The following ADGRB3 variants were observed in gnomAD, a reference collection of about 807,000 sequenced individuals.
ADGRB3 encodes adhesion G protein-coupled receptor B3.
ADGRB3 carries 37 observed loss-of-function variants against 193.4 expected under a neutral mutation model. That is an observed-to-expected ratio of 0.19 (90% CI 0.15 to 0.25). The LOEUF (loss-of-function observed/expected upper bound fraction) is 0.25. Among genes scored for constraint, ADGRB3 ranks in the 10% least tolerant of loss-of-function variants. ADGRB3 has a pLI of 1.00. For missense variants in ADGRB3, 1,637 were observed against 1,852.9 expected (o/e 0.88, Z 2.14); for synonymous variants, 690 against 644.2 (o/e 1.07, Z -1.08).
In ADGRB3 at chr6:69,228,804, G is replaced by A. The variant is rs1208849596; in HGVS notation, c.2481-4486G>A. ...TAAAACAGATTACAATAAAAGTTTA[G>A]CATTAAAATTCACCTGGAAATGAAA... On this transcript the variant is annotated intron_variant, in intron 17 of 31. Coordinates refer to ENST00000370598, the MANE Select transcript of ADGRB3 (RefSeq NM_001704.3). Among the ~76,000 whole-genome samples, 6 of 152,200 alleles carry A rather than the reference G, an allele frequency of 3.9e-5. No individual in the cohort carries two copies. In the East Asian group the frequency reaches 1.2e-3, roughly 29 times the overall value.
chr6:69,175,355 A>G (rs1471966455), intron 17 of ADGRB3, among the ~76,000 whole-genome samples: 3 of 152,218 alleles, frequency 2.0e-5, no homozygotes, highest in Non-Finnish European at 4.4e-5. Flanking sequence ...TCTTCTGCAT[A>G]TGGCTAACCA....
chr6:68,793,628 A>C (rs1287559211), intron 3 of ADGRB3, among the ~76,000 whole-genome samples: 2 of 152,148 alleles, frequency 1.3e-5, no homozygotes, highest in Non-Finnish European at 1.5e-5. Context: ...TCCTGGGTTT[A>C]AGTGATTCTC....
At chr6:69,297,410 C>CTA (rs753511956) in intron 20 of ADGRB3, among the ~76,000 whole-genome samples, 11,710 of 127,860 alleles carry the variant, frequency 0.092, 510 homozygotes, top group African/African-American at 0.16. Context: ...CTCTCTCTCT[C>CTA]TATATATATA....
At chr6:68,845,373 G>A (rs1282793475) in intron 3 of ADGRB3, among the ~76,000 whole-genome samples, 1 of 152,116 alleles carries the variant, frequency 6.6e-6, no homozygotes, top group Non-Finnish European at 1.5e-5. Flanking sequence ...CCAGAACCTG[G>A]AGAGAGGCAT....
intron 17 of ADGRB3, among the ~76,000 whole-genome samples, chr6:69,136,662 T>G (rs1160031042): frequency 2.0e-5 from 3 of 152,132 alleles, no homozygotes; most frequent in African/African-American, 4.8e-5. Flanking sequence ...AAATGGAGAA[T>G]TCACATTTTC....
intron 2 of ADGRB3, among the ~76,000 whole-genome samples, chr6:68,638,215 T>A (rs1767999076): frequency 6.6e-6 from 1 of 152,196 alleles, no homozygotes; most frequent in Non-Finnish European, 1.5e-5. Flanking sequence ...ATTATCAGAT[T>A]AGATTTTGTA....
intron 11 of ADGRB3, among the ~76,000 whole-genome samples, chr6:69,010,315 G>A (rs1250799651): frequency 1.3e-5 from 2 of 152,030 alleles, no homozygotes; most frequent in African/African-American, 4.8e-5. Flanking sequence ...TAGTGAATCA[G>A]TTCTGTTCTG....
chr6:69,068,066 G>A (rs1352602787), intron 16 of ADGRB3, among the ~76,000 whole-genome samples: 1 of 152,114 alleles, frequency 6.6e-6, no homozygotes, highest in East Asian at 1.9e-4. Context: ...GAACCGATAG[G>A]TGTGGCTGTA....
intron 3 of ADGRB3, among the ~76,000 whole-genome samples, chr6:68,740,362 AGCCTGG>A (rs1256520674): frequency 1.3e-5 from 2 of 152,242 alleles, no homozygotes; most frequent in Non-Finnish European, 2.9e-5. Flanking sequence ...GTTGGAGACC[AGCCTGG>A]GCAATATAGT....
chr6:68,800,682 G>T (rs984949606), intron 3 of ADGRB3, among the ~76,000 whole-genome samples: 4 of 152,146 alleles, frequency 2.6e-5, no homozygotes, highest in African/African-American at 4.8e-5. Flanking sequence ...GCTGCCTAAG[G>T]TCGTGTAGGC....
At chr6:69,258,140 G>A (rs192490144) in intron 20 of ADGRB3, among the ~76,000 whole-genome samples, 10 of 152,210 alleles carry the variant, frequency 6.6e-5, no homozygotes, top group East Asian at 1.9e-4. Flanking sequence ...AATGGTATTC[G>A]CAGAGAAGGA....
chr6:69,177,400 AGGCTAGAGTGCAGTGGCGCCGTCTC>A (rs1422847516), intron 17 of ADGRB3, among the ~76,000 whole-genome samples: 1 of 151,572 alleles, frequency 6.6e-6, no homozygotes, highest in Non-Finnish European at 1.5e-5. Flanking sequence ...TCTGCCACCT[AGGCTAGAGTGCAGTGGCGCCGTCTC>A]GGCTCACTGC....
chr6:69,372,631 G>A (rs567175679), intron 30 of ADGRB3, among the ~76,000 whole-genome samples, 190 bp downstream of exon 30: 17 of 152,038 alleles, frequency 1.1e-4, no homozygotes, highest in African/African-American at 4.1e-4. Context: ...ATTACTTCAA[G>A]TATTTGCTAA....
intron 3 of ADGRB3, among the ~76,000 whole-genome samples, chr6:68,735,819 G>A (rs554848155): frequency 6.6e-6 from 1 of 152,144 alleles, no homozygotes; most frequent in East Asian, 1.9e-4. Context: ...GTTTCTTTCT[G>A]TCTTAAAATA....
intron 17 of ADGRB3, among the ~76,000 whole-genome samples, chr6:69,133,498 C>T (rs527847070): frequency 6.6e-6 from 1 of 152,012 alleles, no homozygotes; most frequent in African/African-American, 2.4e-5. Flanking sequence ...CCAAAAAACA[C>T]CCATGACCAG....
chr6:69,182,865 G>A (rs1354833598), intron 17 of ADGRB3, among the ~76,000 whole-genome samples: 1 of 152,038 alleles, frequency 6.6e-6, no homozygotes, highest in Admixed American at 6.6e-5. Flanking sequence ...ACTGGGGAGA[G>A]ATATATGCAC....
chr6:68,824,349 T>C (rs185626454), intron 3 of ADGRB3, among the ~76,000 whole-genome samples: 132 of 151,706 alleles, frequency 8.7e-4, no homozygotes, highest in African/African-American at 3.0e-3. Context: ...ATAATGATTA[T>C]GTTTCACTTT....
chr6:69,299,002 C>G (rs1045245316), intron 20 of ADGRB3, among the ~76,000 whole-genome samples: 2 of 151,872 alleles, frequency 1.3e-5, no homozygotes, highest in South Asian at 4.2e-4. Context: ...CCCAATAACA[C>G]TTTAAGAAGA....
intron 17 of ADGRB3, among the ~76,000 whole-genome samples, chr6:69,188,528 T>C (rs1002376873): frequency 3.9e-5 from 6 of 152,106 alleles, no homozygotes; most frequent in African/African-American, 1.4e-4. Flanking sequence ...AGGCTGGTCG[T>C]GAACTCCTGA....
Sources: allele counts gnomAD v4.1 joint callset (sites outside exome capture counted in the v4.1 genomes callset), GRCh38; gene constraint gnomAD v4.1.1; transcripts MANE v1.5; gene names NCBI Gene and HGNC (gene_info 2026-07-23, HGNC 2026-07-21).